The following TMOD1 variants were observed in gnomAD, a reference collection of about 807,000 sequenced individuals.
TMOD1 encodes the protein tropomodulin 1, also known as tropomodulin-1.
A neutral mutation model predicts 40.6 loss-of-function variants in TMOD1; 17 were observed. The observed-to-expected ratio is 0.42, with a 90% CI of 0.29 to 0.63. The LOEUF (loss-of-function observed/expected upper bound fraction) is 0.63. TMOD1 is among the 20% of genes least tolerant of loss of function. TMOD1 has a pLI of 0.22. For missense variants in TMOD1, 391 were observed against 447.6 expected (o/e 0.87, Z 1.14); for synonymous variants, 181 against 175.0 (o/e 1.03, Z -0.27).
At chr9:97,550,566 C>T (rs1587936472) in intron 3 of TMOD1, among the ~76,000 whole-genome samples, 2 of 152,170 alleles carry the variant, frequency 1.3e-5, no homozygotes, top group Admixed American at 1.3e-4. Flanking sequence ...TAGCCATCCT[C>T]ATGGGTGTGA....
At chr9:97,593,102 A>G (rs1333094675) in intron 9 of TMOD1, among the ~76,000 whole-genome samples, 1 of 152,176 alleles carries the variant, frequency 6.6e-6, no homozygotes, top group African/African-American at 2.4e-5. Context: ...CAATAATCTC[A>G]TATTTGTTTC....
intron 1 of TMOD1, among the ~76,000 whole-genome samples, chr9:97,505,419 C>A (rs549144878): frequency 3.3e-5 from 5 of 152,142 alleles, no homozygotes; most frequent in African/African-American, 1.2e-4. Flanking sequence ...ACCCCAGGGC[C>A]GTTTCTAGCG....
At chr9:97,584,162 C>G (rs1335666669) in intron 8 of TMOD1, among the ~76,000 whole-genome samples, 1 of 151,968 alleles carries the variant, frequency 6.6e-6, no homozygotes, top group African/African-American at 2.4e-5. Context: ...TCCCTCTACA[C>G]ACTGCTTTGA....
rs1181280847 is a variant in TMOD1, at chr9:97,564,031, A to C, written c.488-7A>C. The stretch of plus-strand genomic sequence containing the variant: ...GTGAGCCACCTCCCTTTCATCGGTC[A>C]CTCTAGGCGTGATTAAACCCACACA... On this transcript the variant is annotated splice_polypyrimidine_tract_variant and splice_region_variant and intron_variant, in intron 5 of 9. Coordinates refer to ENST00000259365, the MANE Select transcript of TMOD1 (RefSeq NM_003275.4). 6.3e-7 allele frequency: 1 copy of C among 1,594,142 alleles called. No individual in the cohort carries two copies. The highest frequency in any genetic ancestry group is 1.8e-5 in the Admixed American group (1 of 55,530).
In TMOD1 at chr9:97,588,992, CTGTAATCCCAGCT is replaced by C; in HGVS notation, c.871-2298_871-2286del. Among the ~76,000 whole-genome samples, 2 of 151,600 alleles carry C rather than the reference CTGTAATCCCAGCT, an allele frequency of 1.3e-5. 1 individual carries two copies. Among genetic ancestry groups the C allele is most frequent in the Middle Eastern group, 6.8e-3 (2 of 292 alleles). On this transcript the variant is annotated intron_variant, in intron 8 of 9. Transcript: ENST00000259365. ...ATTAGCCACGTATGGTGGCATGCGC[CTGTAATCCCAGCT>C]ACTCAGGAGGCTGAGGCAGGAGAAT... is the stretch of plus-strand genomic sequence containing the variant.
chr9:97,597,342 G>GA (rs1294301641), intron 9 of TMOD1, among the ~76,000 whole-genome samples: 1 of 152,074 alleles, frequency 6.6e-6, no homozygotes, highest in African/African-American at 2.4e-5. Flanking sequence ...ATTAAAAAGG[G>GA]AAAAAAATAA....
At chr9:97,591,214 T>C in intron 8 of TMOD1, 77 bp from the exon 9 acceptor site, 1 of 1,428,122 alleles carries the variant, frequency 7.0e-7, no homozygotes, top group Non-Finnish European at 9.4e-7. Context: ...TTTCTGCAGG[T>C]AGAGGTGGTT....
intron 2 of TMOD1, among the ~76,000 whole-genome samples, chr9:97,544,851 T>C (rs1830335863): frequency 6.6e-6 from 1 of 151,454 alleles, no homozygotes; most frequent in Non-Finnish European, 1.5e-5. Context: ...CTATTAAAAA[T>C]ACAAAAAATT....
rs1283102334 is a variant in TMOD1, at chr9:97,565,414, T to C, written c.619-434T>C. Among the ~76,000 whole-genome samples, 6 of 152,080 alleles carry C rather than the reference T, an allele frequency of 3.9e-5. No individual in the cohort carries two copies. In the East Asian group the frequency reaches 9.7e-4, roughly 24 times the overall value. On this transcript the variant is annotated intron_variant, in intron 6 of 9. Coordinates refer to ENST00000259365, the MANE Select transcript of TMOD1 (RefSeq NM_003275.4). ...GGTAGATGTCTCTTAAAGAGTATCA[T>C]ATGCAACCCCCTTACCTGTTTTCCA... is the stretch of plus-strand genomic sequence containing the variant.
chr9:97,592,206 G>A (rs908978646), intron 9 of TMOD1, among the ~76,000 whole-genome samples: 1 of 151,888 alleles, frequency 6.6e-6, no homozygotes, highest in Non-Finnish European at 1.5e-5. Flanking sequence ...TATTCCTGCT[G>A]GCTGCCAAAA....
Position 97,517,335 on chromosome 9 carries a change from G to A in TMOD1, c.-48-6806G>A, listed in dbSNP as rs74984259. 7.1e-3 allele frequency among the ~76,000 whole-genome samples: 1,021 copies of A among 143,586 alleles called. 6 individuals are homozygous for A. Among genetic ancestry groups the A allele is most frequent in the Non-Finnish European group, 9.8e-3 (638 of 65,324 alleles). The allele number at this position is 143,586 out of a possible 152,430, so 94.2% of individuals were successfully genotyped here. A position where few individuals can be genotyped will look rare whatever the true frequency, so the allele number is the denominator to read the frequency against. On this transcript the variant is annotated intron_variant, in intron 1 of 9. Coordinates refer to ENST00000259365, the MANE Select transcript of TMOD1 (RefSeq NM_003275.4). ...ACTACACTCCAGCGTGGGTGATGGG[G>A]GAAAAAAAAAAAAGTTTAAAATAAG...
chr9:97,542,452 A>G (rs1252903376), intron 2 of TMOD1, among the ~76,000 whole-genome samples: 1 of 152,252 alleles, frequency 6.6e-6, no homozygotes, highest in Non-Finnish European at 1.5e-5. Flanking sequence ...TTATGTAAAT[A>G]ATATTTTTGA....
chr9:97,553,467 T>A, intron 4 of TMOD1, 67 bp downstream of exon 4: 1 of 1,600,100 alleles, frequency 6.2e-7, no homozygotes. Flanking sequence ...CAGGGAGCCT[T>A]GTAGGGCTCA....
intron 2 of TMOD1, among the ~76,000 whole-genome samples, chr9:97,529,374 A>G (rs946307969): frequency 1.3e-5 from 2 of 151,940 alleles, no homozygotes; most frequent in Admixed American, 6.6e-5. Flanking sequence ...ATTTCTTTGA[A>G]CCATTCCTGG....
chr9:97,531,033 A>ACCCCCCCCC (rs202030181), intron 2 of TMOD1, among the ~76,000 whole-genome samples: 8 of 78,258 alleles, frequency 1.0e-4, no homozygotes, highest in Non-Finnish European at 1.5e-4. Flanking sequence ...GGTGATCCAC[A>ACCCCCCCCC]CCCACCCCCC....
chr9:97,562,658 G>A (rs1343778151), intron 4 of TMOD1, 74 bp from the exon 5 acceptor site: 6 of 1,119,734 alleles, frequency 5.4e-6, no homozygotes, highest in South Asian at 5.3e-5. Flanking sequence ...AGTTCCCGGG[G>A]TTTGGAGTGT....
At chr9:97,576,931 G>A (rs1029553230) in intron 8 of TMOD1, among the ~76,000 whole-genome samples, 1 of 152,134 alleles carries the variant, frequency 6.6e-6, no homozygotes, top group Non-Finnish European at 1.5e-5. Flanking sequence ...GAGCCATCGC[G>A]CCTGGCCCAT....
chr9:97,590,384 T>C (rs1048213274), intron 8 of TMOD1, among the ~76,000 whole-genome samples: 22 of 151,926 alleles, frequency 1.4e-4, no homozygotes, highest in Non-Finnish European at 3.1e-4. Flanking sequence ...CCATCACACC[T>C]GGCTATTTTT....
At position 97,600,860 on chromosome 9, in the gene TMOD1, C is replaced by A; in HGVS notation, c.*1162C>A. Reference sequence around the variant, plus strand: ...CTTGGGATCCAGCAAAAGTGTTAAGCCACAATGCCCTTGTGCCTTTTAATA... The same window carrying A: ...CTTGGGATCCAGCAAAAGTGTTAAGACACAATGCCCTTGTGCCTTTTAATA... On this transcript the variant is annotated 3_prime_UTR_variant, in exon 10 of 10. Coordinates refer to ENST00000259365, the MANE Select transcript of TMOD1 (RefSeq NM_003275.4). The A allele has an allele frequency of 9.2e-7, 1 of 1,090,438 alleles. No individual in the cohort carries two copies. The highest frequency in any genetic ancestry group is 1.1e-6 in the Non-Finnish European group (1 of 888,226). 67.5% of individuals were successfully genotyped at this position (1,090,438 alleles called of 1,614,324 possible).
Sources: allele counts gnomAD v4.1 joint callset (sites outside exome capture counted in the v4.1 genomes callset), GRCh38; gene constraint gnomAD v4.1.1; transcripts MANE v1.5; gene names NCBI Gene and HGNC (gene_info 2026-07-23, HGNC 2026-07-21).